ARHGAP31: variants seen among roughly 807,000 people sequenced by gnomAD.
The protein encoded by ARHGAP31 is rho GTPase-activating protein 31.
Under a neutral mutation model 113.9 loss-of-function variants are expected in ARHGAP31, and 34 were observed. The ratio of observed to expected loss-of-function variants is 0.30; its 90% CI spans 0.23 to 0.40. The LOEUF (loss-of-function observed/expected upper bound fraction) is 0.40, where lower values mean the gene tolerates loss of function less well. Ranked by LOEUF, ARHGAP31 falls within the 10% of genes least tolerant of loss-of-function variation. ARHGAP31 has a pLI of 1.00. For synonymous variants in ARHGAP31, 650 were observed against 684.8 expected (o/e 0.95, Z 0.79); for missense variants, 1,548 against 1,767.1 (o/e 0.88, Z 2.22).
At chr3:119,317,171 ATT>A (rs2079739622) in intron 1 of ARHGAP31, among the ~76,000 whole-genome samples, 1 of 147,058 alleles carries the variant, frequency 6.8e-6, no homozygotes, top group African/African-American at 2.5e-5. Flanking sequence ...TCACATTTCT[ATT>A]TTCTTTTTTC....
chr3:119,411,315 T>C (rs2080714979), intron 11 of ARHGAP31, among the ~76,000 whole-genome samples: 1 of 152,060 alleles, frequency 6.6e-6, no homozygotes, highest in Admixed American at 6.5e-5. Context: ...GAGGGGAGTA[T>C]GTGGTAAGCC....
intron 5 of ARHGAP31, 71 bp from the exon 6 acceptor site, chr3:119,383,013 C>A: frequency 6.3e-7 from 1 of 1,577,244 alleles, no homozygotes; most frequent in Non-Finnish European, 8.7e-7. Flanking sequence ...GCAAAAGGCC[C>A]ACTGGCTCCT....
intron 6 of ARHGAP31, among the ~76,000 whole-genome samples, chr3:119,390,260 T>C (rs973133576): frequency 7.2e-5 from 11 of 152,250 alleles, no homozygotes; most frequent in Admixed American, 2.0e-4. Flanking sequence ...AATATCTTCC[T>C]GTGGCAGGGA....
Position 119,415,369 on chromosome 3 carries a change from C to T in ARHGAP31, c.3440C>T (p.Ser1147Leu). The T allele has an allele frequency of 6.2e-7, 1 of 1,614,066 alleles. No individual in the cohort carries two copies. Among genetic ancestry groups the T allele is most frequent in the Non-Finnish European group, 8.5e-7 (1 of 1,180,024 alleles). ...GACCCAAAGGTCACATGGATGACCTCATCTTACTGTAAAGCAGACCCCTGG... is the reference window on the plus strand; with the variant it reads ...GACCCAAAGGTCACATGGATGACCTTATCTTACTGTAAAGCAGACCCCTGG... ...PGDPKVTWMT[S>L]SYCKADPWRV... is the part of the protein sequence containing the mutation. Residue 1147 changes from serine to leucine, a missense_variant, in exon 12 of 12, where the codon TCA (serine) becomes TTA (leucine). By Grantham distance (145) the Ser-to-Leu change is moderately radical. Coordinates refer to ENST00000264245, the MANE Select transcript of ARHGAP31 (RefSeq NM_020754.4).
intron 1 of ARHGAP31, among the ~76,000 whole-genome samples, chr3:119,313,909 A>T (rs2107598731): frequency 6.6e-6 from 1 of 152,374 alleles, no homozygotes; most frequent in East Asian, 1.9e-4. Context: ...ATAGATTCTT[A>T]TAGTGGGCAA....
intron 10 of ARHGAP31, among the ~76,000 whole-genome samples, chr3:119,406,419 A>G (rs1415979716): frequency 6.6e-6 from 1 of 152,236 alleles, no homozygotes; most frequent in East Asian, 1.9e-4. Flanking sequence ...TCCTAAATAA[A>G]TGGTTGCATA....
chr3:119,375,083 AG>A (rs936277843), intron 3 of ARHGAP31, among the ~76,000 whole-genome samples: 1 of 152,024 alleles, frequency 6.6e-6, no homozygotes, highest in African/African-American at 2.4e-5. Flanking sequence ...ATGTGATAAT[AG>A]GGGATTTTTT....
chr3:119,353,600 C>T (rs893784514), intron 1 of ARHGAP31, among the ~76,000 whole-genome samples: 1 of 152,054 alleles, frequency 6.6e-6, no homozygotes, highest in Non-Finnish European at 1.5e-5. Context: ...ATCAGGAGTT[C>T]AAGACCAGCC....
chr3:119,385,860 T>C (rs771426793), intron 6 of ARHGAP31, among the ~76,000 whole-genome samples: 1 of 152,248 alleles, frequency 6.6e-6, no homozygotes, highest in Non-Finnish European at 1.5e-5. Flanking sequence ...GAAAAGAATA[T>C]GAAAATAGAT....
intron 1 of ARHGAP31, among the ~76,000 whole-genome samples, chr3:119,363,646 A>G (rs1306825519): frequency 6.6e-6 from 1 of 152,236 alleles, no homozygotes; most frequent in African/African-American, 2.4e-5. Flanking sequence ...AGCACGTCAT[A>G]ATAGGGAATT....
At chr3:119,361,490 T>C (rs2080206256) in intron 1 of ARHGAP31, among the ~76,000 whole-genome samples, 9 of 151,340 alleles carry the variant, frequency 5.9e-5, no homozygotes, top group Admixed American at 5.9e-4. Context: ...CAAGTGATTC[T>C]CCTGCCTCAG....
At chr3:119,323,329 A>G (rs986898012) in intron 1 of ARHGAP31, among the ~76,000 whole-genome samples, 8 of 151,948 alleles carry the variant, frequency 5.3e-5, no homozygotes, top group African/African-American at 1.9e-4. Context: ...CCAGCGCTCC[A>G]GGCCGCCCAG....
At position 119,393,526 on chromosome 3, in the gene ARHGAP31, G is replaced by A. The variant is rs1362332761; in HGVS notation, c.941G>A (p.Gly314Glu). 1 of 1,614,120 alleles carries A rather than the reference G, an allele frequency of 6.2e-7. No homozygotes were observed. Among genetic ancestry groups the A allele is most frequent in the Non-Finnish European group, 8.5e-7 (1 of 1,179,976 alleles). Residue 314 changes from glycine to glutamate, a missense_variant, in exon 8 of 12, where the codon GGA becomes GAA. By Grantham distance (98) the Gly-to-Glu change is moderately conservative (BLOSUM62 -2). Coordinates refer to ENST00000264245, the MANE Select transcript of ARHGAP31 (RefSeq NM_020754.4). ...WKSIFNLGRS[G>E]SDSKSKLSRN... is the part of the protein sequence containing the mutation. Reference sequence around the variant, plus strand: ...TCAATATTTAACCTGGGACGTTCTGGATCAGACTCCAAATCAAAACTGAGT... The same window carrying A: ...TCAATATTTAACCTGGGACGTTCTGAATCAGACTCCAAATCAAAACTGAGT...
chr3:119,415,154 G>T lies in ARHGAP31; in HGVS notation c.3225G>T (p.Val1075=). The T allele has an allele frequency of 6.2e-7, 1 of 1,614,222 alleles. No homozygotes were observed. Among genetic ancestry groups the T allele is most frequent in the African/African-American group, 1.3e-5 (1 of 75,052 alleles). The change falls in exon 12 of 12, where the codon GTG becomes GTT. Residue 1075 remains valine, a synonymous_variant. Transcript: ENST00000264245. ...GCAGCAAGGAGAGTTCACCCAGCGT[G>T]CAGGACAGCACTTCGCCTGGAGAGC... ...PESSKESSPS[V]QDSTSPGEHP...
At chr3:119,328,629 C>G (rs1559968412) in intron 1 of ARHGAP31, among the ~76,000 whole-genome samples, 1 of 151,972 alleles carries the variant, frequency 6.6e-6, no homozygotes, top group African/African-American at 2.4e-5. Context: ...GAAACTCCAC[C>G]TTTTTCTTTC....
At chr3:119,338,595 T>C (rs2079979716) in intron 1 of ARHGAP31, among the ~76,000 whole-genome samples, 1 of 152,216 alleles carries the variant, frequency 6.6e-6, no homozygotes, top group African/African-American at 2.4e-5. Flanking sequence ...ACGTGACATA[T>C]TTTACTGAAT....
At chr3:119,339,975 G>A (rs2079993527) in intron 1 of ARHGAP31, among the ~76,000 whole-genome samples, 1 of 152,186 alleles carries the variant, frequency 6.6e-6, no homozygotes, top group Non-Finnish European at 1.5e-5. Flanking sequence ...TTGTTAAGAA[G>A]TGAAACAATC....
At position 119,395,993 on chromosome 3, in the gene ARHGAP31, G is replaced by A. The variant is rs78243086; in HGVS notation, c.1006+2402G>A. ...ACTCCTAATCTATGAAAAGAGATTTGCTTAAGCACGTCAAAGAGAGAATTT... is the reference window on the plus strand; with the variant it reads ...ACTCCTAATCTATGAAAAGAGATTTACTTAAGCACGTCAAAGAGAGAATTT... On this transcript the variant is annotated intron_variant, in intron 8 of 11. Coordinates refer to ENST00000264245, the MANE Select transcript of ARHGAP31 (RefSeq NM_020754.4). Among the ~76,000 whole-genome samples, 1,037 of 152,288 alleles carry A rather than the reference G, an allele frequency of 6.8e-3. 17 individuals carry two copies. The South Asian group carries it at 0.071, about 10-fold the overall frequency.
chr3:119,295,382 C>G (rs971655102), intron 1 of ARHGAP31, among the ~76,000 whole-genome samples: 5 of 150,908 alleles, frequency 3.3e-5, no homozygotes, highest in Non-Finnish European at 7.4e-5. Context: ...GATCAGTGGT[C>G]TTGCCTGGGT....
Sources: allele counts gnomAD v4.1 joint callset (sites outside exome capture counted in the v4.1 genomes callset), GRCh38; gene constraint gnomAD v4.1.1; transcripts MANE v1.5; gene names NCBI Gene and HGNC (gene_info 2026-07-23, HGNC 2026-07-21).